SMG6: variants seen among roughly 807,000 people sequenced by gnomAD.
The protein encoded by SMG6 is SMG6 nonsense mediated mRNA decay factor.
SMG6 carries 66 observed loss-of-function variants against 142.2 expected under a neutral mutation model. The ratio of observed to expected loss-of-function variants is 0.46; its 90% CI spans 0.38 to 0.57. The LOEUF is 0.57. Ranked by LOEUF, SMG6 falls within the 20% of genes least tolerant of loss-of-function variation. SMG6 has a pLI of 0.00. For synonymous variants in SMG6, 779 were observed against 702.4 expected (o/e 1.11, Z -1.72); for missense variants, 1,793 against 1,832.0 (o/e 0.98, Z 0.39).
intron 13 of SMG6, among the ~76,000 whole-genome samples, chr17:2,131,940 T>C (rs1181265970): frequency 1.3e-5 from 2 of 152,098 alleles, no homozygotes; most frequent in East Asian, 3.9e-4. Context: ...GGTGTGGTGG[T>C]GGGCACCTGT....
intron 6 of SMG6, among the ~76,000 whole-genome samples, chr17:2,290,796 G>A (rs1032193679): frequency 7.9e-5 from 12 of 152,092 alleles, no homozygotes; most frequent in African/African-American, 2.4e-5. Flanking sequence ...GTAGTGGGGG[G>A]GCCAAAAGAT....
intron 13 of SMG6, among the ~76,000 whole-genome samples, chr17:2,099,984 T>C (rs2068960508): frequency 6.6e-6 from 1 of 151,778 alleles, no homozygotes; most frequent in African/African-American, 2.4e-5. Context: ...CATCTCAGCC[T>C]CCTGAGTAGC....
chr17:2,168,874 G>A (rs549185453), intron 13 of SMG6, among the ~76,000 whole-genome samples: 24 of 151,594 alleles, frequency 1.6e-4, no homozygotes, highest in African/African-American at 4.6e-4. Flanking sequence ...TCAGCCTCCC[G>A]AGTAGCTGGG....
chr17:2,238,793 A>G, intron 9 of SMG6, among the ~76,000 whole-genome samples: 1 of 152,362 alleles, frequency 6.6e-6, no homozygotes, highest in East Asian at 1.9e-4. Context: ...ACCAGGTCAA[A>G]TGTCCACATT....
chr17:2,279,379 C>T (rs2074732256), intron 8 of SMG6, among the ~76,000 whole-genome samples: 2 of 152,298 alleles, frequency 1.3e-5, no homozygotes, highest in Admixed American at 6.5e-5. Context: ...CATGAGGAGC[C>T]TAGTGGACTA....
At chr17:2,093,574 G>A (rs1341088091) in intron 13 of SMG6, among the ~76,000 whole-genome samples, 37 of 152,086 alleles carry the variant, frequency 2.4e-4, no homozygotes, top group Non-Finnish European at 8.8e-5. Flanking sequence ...TAACATGGCT[G>A]AGCTGTTTGG....
At chr17:2,293,496 G>A (rs1324225401) in intron 4 of SMG6, among the ~76,000 whole-genome samples, 21 of 151,880 alleles carry the variant, frequency 1.4e-4, no homozygotes, top group Admixed American at 9.2e-4. Flanking sequence ...CTGAGACAGC[G>A]TCTCACTCTG....
chr17:2,061,219 T>C lies in SMG6; in HGVS notation c.*273A>G, dbSNP rs2067765096. ...AAAGGCTGAGAGCATGGGCGGCCTA[T>C]CTGGCTTGCCCAGCTGCTGTTGCTG... On this transcript the variant is annotated 3_prime_UTR_variant, in exon 19 of 19. Coordinates refer to ENST00000263073, the MANE Select transcript of SMG6 (RefSeq NM_017575.5). 2.6e-6 allele frequency: 1 copy of C among 388,070 alleles called. No homozygotes were observed. The highest frequency in any genetic ancestry group is 4.8e-6 in the Non-Finnish European group (1 of 206,324). The allele number at this position is 388,070 out of a possible 1,614,324, so 24.0% of individuals were successfully genotyped here.
At chr17:2,249,603 C>T (rs1477532175) in intron 8 of SMG6, among the ~76,000 whole-genome samples, 2 of 152,154 alleles carry the variant, frequency 1.3e-5, no homozygotes, top group Admixed American at 6.5e-5. Flanking sequence ...AGATCACAGG[C>T]GTGAGCCACC....
intron 13 of SMG6, among the ~76,000 whole-genome samples, chr17:2,123,888 G>C (rs2641440): frequency 0.36 from 54,349 of 152,062 alleles, 10,725 homozygotes; most frequent in African/African-American, 0.53. Flanking sequence ...CCTGAAAACA[G>C]AGCAGGAAGA....
At chr17:2,282,953 T>G (rs1398514325) in intron 7 of SMG6, 94 bp from the exon 8 acceptor site, 1 of 1,274,902 alleles carries the variant, frequency 7.8e-7, no homozygotes, top group Non-Finnish European at 1.1e-6. Flanking sequence ...GGCGGATCAC[T>G]TGAGGTCAGG....
intron 15 of SMG6, among the ~76,000 whole-genome samples, chr17:2,077,843 T>C (rs1185021582): frequency 2.6e-5 from 4 of 152,074 alleles, no homozygotes; most frequent in African/African-American, 7.2e-5. Flanking sequence ...TTACTTTCAT[T>C]ATAAAGATGA....
chr17:2,174,272 T>C (rs913754918), intron 12 of SMG6, among the ~76,000 whole-genome samples: 2 of 152,144 alleles, frequency 1.3e-5, no homozygotes, highest in African/African-American at 4.8e-5. Flanking sequence ...ATCTCCCCAG[T>C]GGAGTTACTG....
In SMG6 at chr17:2,081,898, C is replaced by T. The variant is rs2068435079; in HGVS notation, c.3593G>A (p.Gly1198Asp). 1 of 1,614,074 alleles carries T rather than the reference C, an allele frequency of 6.2e-7. No homozygotes were observed. The highest frequency in any genetic ancestry group is 1.7e-5 in the Admixed American group (1 of 60,010). The change falls in exon 15 of 19, where the codon GGC becomes GAC. Residue 1198 changes from glycine (G) to aspartate (D), a missense_variant. Gly to Asp is a moderately conservative substitution (Grantham distance 94). Transcript: ENST00000263073. ...CCGAAGCTCCCTGATGTCATCCTCG[C>T]CTCCGCTGCCTTCAGCCTCTGAATC... ...EEDSEAEGSG[G>D]EDDIRELRAK... is the part of the protein sequence containing the mutation.
intron 13 of SMG6, among the ~76,000 whole-genome samples, chr17:2,100,009 C>A (rs909531455): frequency 1.3e-5 from 2 of 151,680 alleles, no homozygotes; most frequent in Non-Finnish European, 2.9e-5. Flanking sequence ...ACTACAGGTG[C>A]CTGCCACCAT....
chr17:2,164,504 A>C (rs531006022), intron 13 of SMG6, among the ~76,000 whole-genome samples: 1 of 152,298 alleles, frequency 6.6e-6, no homozygotes, highest in African/African-American at 2.4e-5. Context: ...GCTACTAGGG[A>C]GACTGAGGCA....
Position 2,224,208 on chromosome 17 carries a change from T to C in SMG6, c.2869+12284A>G, listed in dbSNP as rs548750838. 3.5e-4 allele frequency among the ~76,000 whole-genome samples: 53 copies of C among 152,310 alleles called. No homozygotes were observed. The South Asian group carries it at 5.4e-3, about 15-fold the overall frequency. ...TACCCTAAGAACATTTGCTACCTGA[T>C]GAACTCGAGCTTTGCTTTCCAAGGC... On this transcript the variant is annotated intron_variant, in intron 10 of 18. Transcript: ENST00000263073.
At chr17:2,249,238 T>G (rs2151310218) in intron 8 of SMG6, among the ~76,000 whole-genome samples, 1 of 152,054 alleles carries the variant, frequency 6.6e-6, no homozygotes, top group African/African-American at 2.4e-5. Flanking sequence ...AGTCCGAGCT[T>G]CCTTCTTCCT....
chr17:2,265,453 T>G (rs1303524181), intron 8 of SMG6, among the ~76,000 whole-genome samples: 1 of 151,430 alleles, frequency 6.6e-6, no homozygotes, highest in Admixed American at 6.6e-5. Context: ...GAGGTTGCAG[T>G]GAGCTGAGAT....
Sources: allele counts gnomAD v4.1 joint callset (sites outside exome capture counted in the v4.1 genomes callset), GRCh38; gene constraint gnomAD v4.1.1; transcripts MANE v1.5; gene names NCBI Gene and HGNC (gene_info 2026-07-23, HGNC 2026-07-21).